The following UBE2F variants were observed in gnomAD, a reference collection of about 807,000 sequenced individuals.
UBE2F encodes the protein ubiquitin conjugating enzyme E2 F (putative), also known as NEDD8-conjugating enzyme UBE2F.
In UBE2F, 5 loss-of-function variants were observed where a neutral mutation model predicts 29.6. The observed-to-expected ratio is 0.17, with a 90% CI of 0.09 to 0.36. The LOEUF is 0.36. Ranked by LOEUF, UBE2F falls within the 10% of genes least tolerant of loss-of-function variation. The pLI is 1.00. For missense variants in UBE2F, 141 were observed against 228.5 expected (o/e 0.62, Z 2.47); for synonymous variants, 66 against 81.8 (o/e 0.81, Z 1.04).
At position 238,003,133 on chromosome 2, in the gene UBE2F, A is replaced by G. The variant is rs188435744; in HGVS notation, c.214+8324A>G. On this transcript the variant is annotated intron_variant, in intron 4 of 9. Coordinates refer to ENST00000272930, the MANE Select transcript of UBE2F (RefSeq NM_080678.3). ...CTCATCCCTGTTTCTTTCTAGCTTG[A>G]TTTTTAATTTTAGTATGGAGATAAA... is the stretch of plus-strand genomic sequence containing the variant. Among the ~76,000 whole-genome samples, 22 of 152,126 alleles carry G rather than the reference A, an allele frequency of 1.4e-4. No homozygotes were observed. In the East Asian group the frequency reaches 4.1e-3, roughly 28 times the overall value.
At chr2:238,009,962 G>GT (rs956875842) in intron 4 of UBE2F, among the ~76,000 whole-genome samples, 5 of 151,916 alleles carry the variant, frequency 3.3e-5, no homozygotes, top group African/African-American at 4.8e-5. Flanking sequence ...TTGTTTTTTT[G>GT]TTTTTTTGTT....
chr2:237,975,925 A>G (rs995411010), intron 2 of UBE2F, among the ~76,000 whole-genome samples: 1 of 150,814 alleles, frequency 6.6e-6, no homozygotes, highest in African/African-American at 2.5e-5. Context: ...GGCATGAGCC[A>G]CTGTGCCTGG....
chr2:237,967,141 C>A lies in UBE2F; in HGVS notation c.-17+9C>A. 2.3e-6 allele frequency: 3 copies of A among 1,285,264 alleles called. No homozygotes were observed. Among genetic ancestry groups the A allele is most frequent in the Admixed American group, 3.6e-5 (1 of 28,104 alleles). The allele number at this position is 1,285,264 out of a possible 1,614,324, so 79.6% of individuals were successfully genotyped here. The stretch of plus-strand genomic sequence containing the variant: ...TGTCTCGGGGAGCCCAGGTGAGGAG[C>A]GACCGTGCGGCTCTGCGGCGGGGCG... On this transcript the variant is annotated intron_variant, in intron 1 of 9. Transcript: ENST00000272930. The surrounding 1 kb of genome is among the most constrained non-coding windows in gnomAD (Gnocchi z 6.3).
In UBE2F at chr2:237,967,260, C is replaced by T. The variant is rs1202550952; in HGVS notation, c.-17+128C>T. 3.4e-6 allele frequency: 2 copies of T among 590,080 alleles called. No homozygotes were observed. Among genetic ancestry groups the T allele is most frequent in the East Asian group, 2.9e-4 (2 of 6,908 alleles). 36.6% of individuals were successfully genotyped at this position (590,080 alleles called of 1,614,324 possible). ...CTCGGGCCCGCCGGGTTCCTCACGCCGGGGGCCTGGCGGGCGCGGGCACCC... is the reference window on the plus strand; with the variant it reads ...CTCGGGCCCGCCGGGTTCCTCACGCTGGGGGCCTGGCGGGCGCGGGCACCC... On this transcript the variant is annotated intron_variant, in intron 1 of 9. Coordinates refer to ENST00000272930, the MANE Select transcript of UBE2F (RefSeq NM_080678.3). The surrounding 1 kb of genome is among the most constrained non-coding windows in gnomAD (Gnocchi z 6.3).
chr2:238,015,591 A>AT (rs75261326), intron 4 of UBE2F, among the ~76,000 whole-genome samples: 1 of 151,394 alleles, frequency 6.6e-6, no homozygotes, highest in Non-Finnish European at 1.5e-5. Flanking sequence ...AAGGAATGGA[A>AT]TTTTTTTTTA....
Position 237,982,162 on chromosome 2 carries a change from A to G in UBE2F, c.119-5801A>G, listed in dbSNP as rs2063392277. ...TGTCAAACCAGCAAAACACTCCCCG[A>G]GTGGCGAATGTGCAGCCAGGGCTTC... On this transcript the variant is annotated intron_variant, in intron 2 of 9. Coordinates refer to ENST00000272930, the MANE Select transcript of UBE2F (RefSeq NM_080678.3). This position sits in a 1 kb window ranked among gnomAD's most constrained non-coding sequence, Gnocchi z 4.1. Among the ~76,000 whole-genome samples the G allele has an allele frequency of 6.6e-6, 1 of 152,166 alleles. No homozygotes were observed. The highest frequency in any genetic ancestry group is 6.5e-5 in the Admixed American group (1 of 15,276).
At chr2:237,973,576 C>G in intron 2 of UBE2F, 1 of 822,450 alleles carries the variant, frequency 1.2e-6, no homozygotes, top group Non-Finnish European at 1.8e-6. Flanking sequence ...TTCTCAGCAC[C>G]ATAGTTTCTG....
At chr2:238,008,118 C>A (rs1410399529) in intron 4 of UBE2F, among the ~76,000 whole-genome samples, 2 of 151,898 alleles carry the variant, frequency 1.3e-5, no homozygotes, top group African/African-American at 4.8e-5. Flanking sequence ...CTGTAGTGGG[C>A]AGATGCACTA....
intron 4 of UBE2F, among the ~76,000 whole-genome samples, chr2:238,001,857 G>A (rs1013958021): frequency 4.0e-5 from 6 of 151,790 alleles, no homozygotes; most frequent in African/African-American, 1.5e-4. Context: ...AAAAAAGAAT[G>A]TATCAGTCAT....
At chr2:238,039,017 C>T (rs2064781623) in intron 9 of UBE2F, among the ~76,000 whole-genome samples, 2 of 152,194 alleles carry the variant, frequency 1.3e-5, no homozygotes, top group South Asian at 2.1e-4. Context: ...GGCAGATCAC[C>T]TGAGGTCAGG....
chr2:237,972,557 T>A lies in UBE2F; in HGVS notation c.-16-535T>A, dbSNP rs1345221665. Among the ~76,000 whole-genome samples the A allele has an allele frequency of 2.3e-3, 334 of 146,410 alleles. 4 individuals are homozygous for A. The highest frequency in any genetic ancestry group is 8.0e-3 in the African/African-American group (321 of 40,012). ...TAATTTTAAATTTTTTTTTTTTTTTTTTTTTTTTTTTGAGACAGGGTCTTG... is the reference window on the plus strand; with the variant it reads ...TAATTTTAAATTTTTTTTTTTTTTTATTTTTTTTTTTGAGACAGGGTCTTG... On this transcript the variant is annotated intron_variant, in intron 1 of 9. Transcript: ENST00000272930.
intron 3 of UBE2F, among the ~76,000 whole-genome samples, chr2:237,993,162 A>G (rs953383820): frequency 1.3e-5 from 2 of 152,008 alleles, no homozygotes; most frequent in Non-Finnish European, 2.9e-5. Flanking sequence ...TAATTTTTGT[A>G]TTTTTAGTAG....
intron 4 of UBE2F, among the ~76,000 whole-genome samples, chr2:237,999,698 G>C (rs186046929): frequency 2.6e-4 from 39 of 152,226 alleles, no homozygotes; most frequent in Admixed American, 2.3e-3. Flanking sequence ...CTGCTTTTTG[G>C]ACTTGATTCT....
chr2:238,023,618 C>T (rs2064345210), intron 5 of UBE2F, among the ~76,000 whole-genome samples: 2 of 152,176 alleles, frequency 1.3e-5, no homozygotes, highest in African/African-American at 4.8e-5. Context: ...CCTCAGAAAG[C>T]ATCATAAATA....
chr2:237,978,600 T>G (rs1333067857), intron 2 of UBE2F, among the ~76,000 whole-genome samples: 1 of 152,212 alleles, frequency 6.6e-6, no homozygotes, highest in Non-Finnish European at 1.5e-5. Flanking sequence ...CACCCACATT[T>G]CCTCAGCATC....
At chr2:237,974,776 A>G (rs1307771491) in intron 2 of UBE2F, among the ~76,000 whole-genome samples, 1 of 152,008 alleles carries the variant, frequency 6.6e-6, no homozygotes. Context: ...CGGCCTCCCA[A>G]AGTGCTAGGA....
chr2:238,037,096 C>T (rs912625211), intron 9 of UBE2F, among the ~76,000 whole-genome samples: 6 of 152,110 alleles, frequency 3.9e-5, no homozygotes, highest in African/African-American at 1.4e-4. Flanking sequence ...TTTTAATCTT[C>T]AATTCCACTT....
At chr2:238,007,380 C>T (rs1401776836) in intron 4 of UBE2F, among the ~76,000 whole-genome samples, 1 of 152,050 alleles carries the variant, frequency 6.6e-6, no homozygotes, top group Non-Finnish European at 1.5e-5. Context: ...CCTTGGTCTC[C>T]CAAAGTGCTG....
chr2:238,029,582 A>G (rs1169595896), intron 6 of UBE2F, among the ~76,000 whole-genome samples: 2 of 127,060 alleles, frequency 1.6e-5, no homozygotes, highest in African/African-American at 5.9e-5. Flanking sequence ...GGAGACAGAG[A>G]GAGACTCCGT....
Sources: allele counts gnomAD v4.1 joint callset (sites outside exome capture counted in the v4.1 genomes callset), GRCh38; gene constraint gnomAD v4.1.1; non-coding constraint Gnocchi (gnomAD v3.1); transcripts MANE v1.5; gene names NCBI Gene and HGNC (gene_info 2026-07-23, HGNC 2026-07-21).